MGAT5B: variants seen among roughly 807,000 people sequenced by gnomAD.
The protein encoded by MGAT5B is alpha-1,6-mannosylglycoprotein 6-beta-N-acetylglucosaminyltransferase B, also known as N-acetylglucosaminyl-transferase Vb.
A neutral mutation model predicts 95.1 loss-of-function variants in MGAT5B; 54 were observed. The ratio of observed to expected loss-of-function variants is 0.57; its 90% confidence interval spans 0.46 to 0.71. The LOEUF (loss-of-function observed/expected upper bound fraction) is 0.71. Among genes scored for constraint, MGAT5B ranks in the 30% least tolerant of loss-of-function variants. The probability of loss-of-function intolerance (pLI) is 0.00; values close to 1 mark genes in which losing one functional copy is unlikely to be tolerated. For synonymous variants in MGAT5B, 464 were observed against 451.0 expected, an observed-to-expected ratio of 1.03 and a Z score of -0.36; for missense variants, 935 against 1,088.6, an observed-to-expected ratio of 0.86 and a Z score of 1.99.
intron 17 of MGAT5B, 103 bp from the exon 18 acceptor site, chr17:76,948,537 A>C: frequency 8.3e-7 from 1 of 1,201,098 alleles, no homozygotes; most frequent in East Asian, 2.5e-5. Context: ...TGGGCCAGAG[A>C]AGGGGAGCAG....
Position 76,917,736 on chromosome 17 carries a change from G to A in MGAT5B, c.1026-7230G>A, listed in dbSNP as rs1968987530. 2.0e-5 allele frequency among the ~76,000 whole-genome samples: 3 copies of A among 152,082 alleles called. No homozygotes were observed. Among genetic ancestry groups the A allele is most frequent in the Admixed American group, 1.3e-4 (2 of 15,274 alleles). On this transcript the variant is annotated intron_variant, in intron 8 of 17. Transcript: ENST00000569840. This position sits in a 1 kb window ranked among gnomAD's most constrained non-coding sequence, Gnocchi z 6.1. ...GTTCTCAGCAAAGGTTGGTGGAACC[G>A]GATAGAATAGCAAGAGCCCCTGGCA...
Position 76,905,255 on chromosome 17 carries a change from G to A in MGAT5B, c.777G>A (p.Lys259=), listed in dbSNP as rs1555592525. 2 of 1,612,978 alleles carry A rather than the reference G, an allele frequency of 1.2e-6. No individual in the cohort carries two copies. Among genetic ancestry groups the A allele is most frequent in the Non-Finnish European group, 1.7e-6 (2 of 1,179,528 alleles). ...ESLIFMKKRT[K]RLTAQWALAA... is the part of the protein sequence containing the mutation. ...TGATCTTCATGAAGAAGCGGACCAAGAGGCTCACAGCCCAGTGGGCGCTGG... is the reference window on the plus strand; with the variant it reads ...TGATCTTCATGAAGAAGCGGACCAAAAGGCTCACAGCCCAGTGGGCGCTGG... The change falls in exon 7 of 18, where the codon AAG becomes AAA. Residue 259 remains lysine (K), a synonymous_variant. Coordinates refer to ENST00000569840, the MANE Select transcript of MGAT5B (RefSeq NM_001199172.2). The surrounding 1 kb of genome is among the most constrained non-coding windows in gnomAD (Gnocchi z 4.2).
At chr17:76,901,401 T>TGAA in intron 3 of MGAT5B, among the ~76,000 whole-genome samples, 1 of 121,230 alleles carries the variant, frequency 8.2e-6, no homozygotes, top group Non-Finnish European at 1.6e-5. Context: ...AATTAATGTG[T>TGAA]TAAAAAAAAA....
chr17:76,941,504 C>T (rs1457009065), intron 15 of MGAT5B, among the ~76,000 whole-genome samples: 1 of 152,212 alleles, frequency 6.6e-6, no homozygotes, highest in African/African-American at 2.4e-5. Context: ...GAGAGAGCCT[C>T]CTCTCACTAT....
chr17:76,890,928 A>G (rs525571), intron 3 of MGAT5B, among the ~76,000 whole-genome samples: 70,688 of 148,782 alleles, frequency 0.48, 21,387 homozygotes, highest in African/African-American at 0.83. Context: ...GTCTTCACAC[A>G]GTGGGAAGAG....
chr17:76,916,102 C>T lies in MGAT5B; in HGVS notation c.1026-8864C>T, dbSNP rs996989321. Among the ~76,000 whole-genome samples the T allele has an allele frequency of 2.0e-5, 3 of 152,210 alleles. No homozygotes were observed. Among genetic ancestry groups the T allele is most frequent in the African/African-American group, 7.2e-5 (3 of 41,458 alleles). On this transcript the variant is annotated intron_variant, in intron 8 of 17. Coordinates refer to ENST00000569840, the MANE Select transcript of MGAT5B (RefSeq NM_001199172.2). This position sits in a 1 kb window ranked among gnomAD's most constrained non-coding sequence, Gnocchi z 5.3. ...GGGCCTGGGGCTGCCCTGGCCCCTG[C>T]CCTTCATCCTTCCTCGGGATCCAGG... is the stretch of plus-strand genomic sequence containing the variant.
rs138424896 is a variant in MGAT5B at position 76,872,956 on chromosome 17, C to A, written c.174C>A (p.Arg58=). 1.9e-5 allele frequency: 31 copies of A among 1,613,734 alleles called. No individual in the cohort carries two copies. In the African/African-American group the frequency reaches 3.2e-4, roughly 17 times the overall value. Residue 58 remains arginine (R), a synonymous_variant, in exon 2 of 18, where the codon CGC becomes CGA. Transcript: ENST00000569840. The part of the protein sequence containing the change: ...RRLGDSPFTI[R]TEVMGGPESR... Reference sequence around the variant, plus strand: ...TGGGGGACTCGCCATTCACCATCCGCACAGAAGGTACCTTGGTGGGGCAAG... The same window carrying A: ...TGGGGGACTCGCCATTCACCATCCGAACAGAAGGTACCTTGGTGGGGCAAG...
chr17:76,933,728 T>C (rs28627889), intron 12 of MGAT5B, among the ~76,000 whole-genome samples: 65,443 of 152,058 alleles, frequency 0.43, 14,446 homozygotes, highest in East Asian at 0.65. Flanking sequence ...GGATTAGATC[T>C]GGCTGTCGCA....
At chr17:76,900,474 T>C (rs1411192356) in intron 3 of MGAT5B, among the ~76,000 whole-genome samples, 1 of 152,186 alleles carries the variant, frequency 6.6e-6, no homozygotes, top group Non-Finnish European at 1.5e-5. Context: ...CTGGTGTTCT[T>C]ATAAAGAGAG....
intron 6 of MGAT5B, 123 bp downstream of exon 6, chr17:76,904,545 G>C (rs748625395): frequency 1.1e-5 from 13 of 1,164,624 alleles, no homozygotes; most frequent in Middle Eastern, 3.0e-4. Context: ...GTGTGGGCAG[G>C]TCCGAGCCCA....
chr17:76,921,432 C>T (rs564936961), intron 8 of MGAT5B, among the ~76,000 whole-genome samples: 3 of 152,230 alleles, frequency 2.0e-5, no homozygotes, highest in Non-Finnish European at 2.9e-5. Context: ...ATGGGGGAAG[C>T]GATTGCTCAG....
intron 3 of MGAT5B, among the ~76,000 whole-genome samples, chr17:76,898,215 G>A (rs1428947069): frequency 1.3e-5 from 2 of 152,048 alleles, no homozygotes; most frequent in Non-Finnish European, 2.9e-5. Context: ...CCTGTGTTCC[G>A]TCAGCGGAAG....
intron 8 of MGAT5B, 88 bp from the exon 9 acceptor site, chr17:76,924,878 C>A: frequency 6.7e-7 from 1 of 1,496,378 alleles, no homozygotes; most frequent in Non-Finnish European, 9.2e-7. Flanking sequence ...TGCACTTGTA[C>A]AGTTCATTCT....
chr17:76,900,946 A>T (rs1459417689), intron 3 of MGAT5B, among the ~76,000 whole-genome samples: 1 of 137,384 alleles, frequency 7.3e-6, no homozygotes, highest in African/African-American at 3.0e-5. Flanking sequence ...TTTGTGTGTG[A>T]GTGTGTGCGT....
chr17:76,914,962 C>T lies in MGAT5B; in HGVS notation c.1025+8775C>T, dbSNP rs993300588. 1.3e-5 allele frequency among the ~76,000 whole-genome samples: 2 copies of T among 152,146 alleles called. No individual in the cohort carries two copies. Among genetic ancestry groups the T allele is most frequent in the Non-Finnish European group, 2.9e-5 (2 of 68,028 alleles). On this transcript the variant is annotated intron_variant, in intron 8 of 17. Coordinates refer to ENST00000569840, the MANE Select transcript of MGAT5B (RefSeq NM_001199172.2). This position sits in a 1 kb window ranked among gnomAD's most constrained non-coding sequence, Gnocchi z 5.1. Reference sequence around the variant, plus strand: ...CACGTTTCTTCTTTTTATAAGGACACCAGTCAACTTGGATTAGGGTCTACC... The same window carrying T: ...CACGTTTCTTCTTTTTATAAGGACATCAGTCAACTTGGATTAGGGTCTACC...
At chr17:76,922,885 C>T (rs115807905) in intron 8 of MGAT5B, among the ~76,000 whole-genome samples, 2,802 of 152,024 alleles carry the variant, frequency 0.018, 91 homozygotes, top group African/African-American at 0.064. Flanking sequence ...TCTGACATGG[C>T]GGGGAAGCCA....
chr17:76,887,919 A>C (rs192672927), intron 3 of MGAT5B, among the ~76,000 whole-genome samples: 3 of 151,200 alleles, frequency 2.0e-5, no homozygotes, highest in East Asian at 3.9e-4. Flanking sequence ...CCGCTCCCTC[A>C]TGGCCCCCCA....
intron 3 of MGAT5B, among the ~76,000 whole-genome samples, chr17:76,884,433 ATTTATTTATTTT>A (rs1459589220): frequency 1.3e-5 from 2 of 151,780 alleles, no homozygotes; most frequent in African/African-American, 4.8e-5. Context: ...TTATTTATTT[ATTTATTTATTTT>A]TTTGAGATGG....
At chr17:76,896,337 A>G (rs1023630196) in intron 3 of MGAT5B, among the ~76,000 whole-genome samples, 8 of 152,230 alleles carry the variant, frequency 5.3e-5, no homozygotes, top group Non-Finnish European at 7.3e-5. Context: ...GAACAAGTTG[A>G]ACTTGTTAAA....
Sources: gnomAD v4.1 joint callset for allele counts (sites outside exome capture counted in the v4.1 genomes callset) on GRCh38, gnomAD v4.1.1 for gene constraint, Gnocchi (gnomAD v3.1) non-coding constraint, MANE v1.5 for transcripts, NCBI Gene and HGNC (gene_info 2026-07-23, HGNC 2026-07-21) for gene names.